Variants in POU6F2 observed in about 807,000 individuals in gnomAD.
The protein encoded by POU6F2 is POU domain, class 6, transcription factor 2.
In POU6F2, 31 loss-of-function variants were observed where a neutral mutation model predicts 71.3. The ratio of observed to expected loss-of-function variants is 0.43; its 90% CI spans 0.33 to 0.59. POU6F2 has a LOEUF of 0.59. Ranked by LOEUF, POU6F2 falls within the 20% of genes least tolerant of loss-of-function variation. POU6F2 has a pLI of 0.04. For missense variants in POU6F2, 783 were observed against 856.8 expected, an observed-to-expected ratio of 0.91 and a Z score of 1.07; for synonymous variants, 347 against 355.7, an observed-to-expected ratio of 0.98 and a Z score of 0.27.
At chr7:39,088,375 TA>T (rs1196683003) in intron 2 of POU6F2, among the ~76,000 whole-genome samples, 1 of 152,326 alleles carries the variant, frequency 6.6e-6, no homozygotes, top group African/African-American at 2.4e-5. Flanking sequence ...CGTAACTGAC[TA>T]AAACTTTCCA....
At chr7:39,022,916 A>G (rs1036579516) in intron 1 of POU6F2, among the ~76,000 whole-genome samples, 8 of 152,040 alleles carry the variant, frequency 5.3e-5, no homozygotes, top group African/African-American at 1.9e-4. Flanking sequence ...ATTATAAGAA[A>G]CTGTCAGTTT....
At chr7:39,120,191 G>A (rs1282191488) in intron 2 of POU6F2, among the ~76,000 whole-genome samples, 1 of 152,102 alleles carries the variant, frequency 6.6e-6, no homozygotes, top group South Asian at 2.1e-4. Flanking sequence ...TTTAATAGAG[G>A]TAGGGTCTCG....
At chr7:39,100,066 C>A (rs991892702) in intron 2 of POU6F2, among the ~76,000 whole-genome samples, 1 of 152,210 alleles carries the variant, frequency 6.6e-6, no homozygotes, top group African/African-American at 2.4e-5. Context: ...GGAAGTGCTT[C>A]TCTCAAAAAG....
At chr7:39,143,908 A>G (rs577446523) in intron 2 of POU6F2, among the ~76,000 whole-genome samples, 1 of 152,350 alleles carries the variant, frequency 6.6e-6, no homozygotes, top group African/African-American at 2.4e-5. Context: ...AAAGATTTCA[A>G]AAGTTGAATC....
At chr7:39,061,785 A>G (rs1377243292) in intron 1 of POU6F2, among the ~76,000 whole-genome samples, 2 of 152,176 alleles carry the variant, frequency 1.3e-5, no homozygotes, top group Non-Finnish European at 2.9e-5. Flanking sequence ...TTGAAGTGAC[A>G]GGCTCGCTTC....
chr7:39,151,268 A>G (rs1452188908), intron 2 of POU6F2, among the ~76,000 whole-genome samples: 2 of 152,234 alleles, frequency 1.3e-5, no homozygotes, highest in Admixed American at 6.5e-5. Context: ...TTACAAAGCC[A>G]AAGTAACAGC....
chr7:39,103,536 G>A (rs1791618051), intron 2 of POU6F2, among the ~76,000 whole-genome samples: 1 of 152,184 alleles, frequency 6.6e-6, no homozygotes, highest in Non-Finnish European at 1.5e-5. Flanking sequence ...GTGTCTAGCT[G>A]GTGTTCCCCT....
chr7:39,056,397 A>C (rs1357785552), intron 1 of POU6F2, among the ~76,000 whole-genome samples: 1 of 152,000 alleles, frequency 6.6e-6, no homozygotes, highest in Non-Finnish European at 1.5e-5. Flanking sequence ...TCTTTCATTA[A>C]GTTTAAAAAT....
At chr7:39,149,885 C>CTTTTT (rs70977463) in intron 2 of POU6F2, among the ~76,000 whole-genome samples, 5 of 142,334 alleles carry the variant, frequency 3.5e-5, no homozygotes, top group Non-Finnish European at 3.0e-5. Context: ...GCAAGATTTC[C>CTTTTT]TTTTTTTTTT....
At chr7:39,113,173 T>G (rs1483847527) in intron 2 of POU6F2, among the ~76,000 whole-genome samples, 1 of 152,216 alleles carries the variant, frequency 6.6e-6, no homozygotes. Flanking sequence ...TTTATGAGAA[T>G]GTATCACCAT....
At chr7:39,312,997 G>A (rs184113823) in intron 4 of POU6F2, among the ~76,000 whole-genome samples, 1 of 152,112 alleles carries the variant, frequency 6.6e-6, no homozygotes, top group Non-Finnish European at 1.5e-5. Context: ...TACAGATAAG[G>A]GGGGACTGCT....
At chr7:39,108,108 T>C (rs1791729568) in intron 2 of POU6F2, among the ~76,000 whole-genome samples, 1 of 152,172 alleles carries the variant, frequency 6.6e-6, no homozygotes, top group Non-Finnish European at 1.5e-5. Flanking sequence ...TAAACTGTTA[T>C]TTAACATGGG....
At chr7:39,385,328 T>G (rs1786914205) in intron 5 of POU6F2, among the ~76,000 whole-genome samples, 1 of 152,210 alleles carries the variant, frequency 6.6e-6, no homozygotes, top group Non-Finnish European at 1.5e-5. Flanking sequence ...CACCCATTGC[T>G]TGCCTAACAA....
intron 6 of POU6F2, among the ~76,000 whole-genome samples, chr7:39,431,037 T>C (rs1326852631): frequency 6.6e-6 from 1 of 152,182 alleles, no homozygotes; most frequent in Non-Finnish European, 1.5e-5. Context: ...GCAAGACCAC[T>C]CATCAATAAA....
At chr7:39,393,603 G>A (rs1787116490) in intron 5 of POU6F2, among the ~76,000 whole-genome samples, 1 of 152,162 alleles carries the variant, frequency 6.6e-6, no homozygotes, top group Non-Finnish European at 1.5e-5. Context: ...TTCAGCGGCA[G>A]ACCAACAACA....
intron 6 of POU6F2, among the ~76,000 whole-genome samples, chr7:39,419,146 T>C (rs1787786976): frequency 7.1e-6 from 1 of 140,770 alleles, no homozygotes. Context: ...TATATATACG[T>C]ATATATGTGT....
At chr7:39,137,012 C>CAAA (rs11344179) in intron 2 of POU6F2, among the ~76,000 whole-genome samples, 4 of 82,218 alleles carry the variant, frequency 4.9e-5, no homozygotes, top group Admixed American at 1.4e-4. Flanking sequence ...GAGACCCTGT[C>CAAA]AAAAAAAAAA....
At chr7:39,374,243 G>T (rs1161049169) in intron 5 of POU6F2, among the ~76,000 whole-genome samples, 2 of 152,356 alleles carry the variant, frequency 1.3e-5, no homozygotes, top group East Asian at 1.9e-4. Flanking sequence ...ATATGTGTCT[G>T]TGTATGAGCC....
chr7:39,115,816 T>A (rs1791916664), intron 2 of POU6F2, among the ~76,000 whole-genome samples: 1 of 152,220 alleles, frequency 6.6e-6, no homozygotes, highest in Non-Finnish European at 1.5e-5. Context: ...AAATCTTTTT[T>A]TTTTAAAGAC....
Sources: allele counts gnomAD v4.1 joint callset (sites outside exome capture counted in the v4.1 genomes callset), GRCh38; gene constraint gnomAD v4.1.1; transcripts MANE v1.5; gene names NCBI Gene and HGNC (gene_info 2026-07-23, HGNC 2026-07-21).